DPP10: variants seen among roughly 807,000 people sequenced by gnomAD.
The protein encoded by DPP10 is dipeptidyl peptidase like 10, also known as inactive dipeptidyl peptidase 10.
DPP10 carries 33 observed loss-of-function variants against 120.9 expected under a neutral mutation model. That is an observed-to-expected ratio of 0.27 (90% confidence interval 0.21 to 0.37). DPP10 has a LOEUF of 0.37. Ranked by LOEUF, DPP10 falls within the 10% of genes least tolerant of loss-of-function variation. The pLI is 1.00. For missense variants in DPP10, 816 were observed against 942.8 expected, an observed-to-expected ratio of 0.87 and a Z score of 1.76; for synonymous variants, 337 against 326.1, an observed-to-expected ratio of 1.03 and a Z score of -0.36.
intron 5 of DPP10, among the ~76,000 whole-genome samples, chr2:115,528,340 C>T (rs572508804): frequency 3.3e-5 from 5 of 150,782 alleles, no homozygotes; most frequent in Non-Finnish European, 5.9e-5. Context: ...CACATGTACC[C>T]TAGAACTTAA....
chr2:115,279,774 G>T (rs1176306007), intron 1 of DPP10, among the ~76,000 whole-genome samples: 2 of 131,198 alleles, frequency 1.5e-5, no homozygotes, highest in Non-Finnish European at 3.1e-5. Flanking sequence ...CGATTCTTAT[G>T]TCTCAGCCTC....
intron 1 of DPP10, among the ~76,000 whole-genome samples, chr2:114,544,528 A>T (rs1028818356): frequency 6.6e-6 from 1 of 152,154 alleles, no homozygotes; most frequent in Non-Finnish European, 1.5e-5. Context: ...GAAGAAGGTG[A>T]TATTGTTAAT....
intron 1 of DPP10, among the ~76,000 whole-genome samples, chr2:114,933,642 G>A (rs185416324): frequency 6.6e-6 from 1 of 152,290 alleles, no homozygotes; most frequent in African/African-American, 2.4e-5. Flanking sequence ...AGGCAGAAAA[G>A]CAACAGCAAC....
intron 9 of DPP10, among the ~76,000 whole-genome samples, chr2:115,740,449 T>TA (rs554989158): frequency 2.0e-4 from 31 of 152,136 alleles, no homozygotes; most frequent in Admixed American, 1.2e-3. Context: ...GGACCAAGTA[T>TA]AAAAAAATCA....
intron 7 of DPP10, among the ~76,000 whole-genome samples, chr2:115,718,307 G>A (rs1182255751): frequency 6.6e-6 from 1 of 152,172 alleles, no homozygotes; most frequent in South Asian, 2.1e-4. Flanking sequence ...CTTTACAAAT[G>A]AGAAAACAGA....
intron 17 of DPP10, among the ~76,000 whole-genome samples, chr2:115,787,451 A>C (rs191247777): frequency 2.0e-5 from 3 of 152,346 alleles, no homozygotes; most frequent in Non-Finnish European, 4.4e-5. Context: ...AAAATATTTG[A>C]AATATAAACT....
chr2:115,661,702 C>A (rs1290978404), intron 5 of DPP10, among the ~76,000 whole-genome samples: 1 of 152,146 alleles, frequency 6.6e-6, no homozygotes, highest in Non-Finnish European at 1.5e-5. Context: ...GCTGCCCACA[C>A]CTTTCATTTT....
At chr2:115,064,818 T>A (rs369577007) in intron 1 of DPP10, 1 of 1,304,188 alleles carries the variant, frequency 7.7e-7, no homozygotes. Context: ...AAGTGGATGC[T>A]ACCTAGGTTT....
chr2:115,832,871 G>A (rs1393475589), intron 21 of DPP10, among the ~76,000 whole-genome samples: 1 of 151,958 alleles, frequency 6.6e-6, no homozygotes, highest in Non-Finnish European at 1.5e-5. Context: ...TTTCCGGTAG[G>A]CACCTTTATT....
intron 7 of DPP10, among the ~76,000 whole-genome samples, chr2:115,705,910 C>G (rs2092085936): frequency 6.6e-6 from 1 of 151,664 alleles, no homozygotes; most frequent in Admixed American, 6.6e-5. Flanking sequence ...TACCAAGCAG[C>G]TCATATCATT....
chr2:115,155,054 G>A (rs1250439240), intron 1 of DPP10, among the ~76,000 whole-genome samples: 3 of 151,516 alleles, frequency 2.0e-5, no homozygotes, highest in Non-Finnish European at 4.4e-5. Flanking sequence ...ACCACACCAA[G>A]CTAATTTTAT....
intron 1 of DPP10, among the ~76,000 whole-genome samples, chr2:114,934,753 G>T (rs564757353): frequency 6.6e-6 from 1 of 152,228 alleles, no homozygotes; most frequent in South Asian, 2.1e-4. Context: ...GATCATGGAG[G>T]ACCTTCAGTA....
intron 5 of DPP10, among the ~76,000 whole-genome samples, chr2:115,623,093 C>A (rs2085092754): frequency 6.6e-6 from 1 of 152,106 alleles, no homozygotes; most frequent in African/African-American, 2.4e-5. Context: ...GATCCGCCCG[C>A]CTCGGCCTCC....
At chr2:115,503,726 A>T (rs1575038564) in intron 4 of DPP10, among the ~76,000 whole-genome samples, 1 of 152,262 alleles carries the variant, frequency 6.6e-6, no homozygotes, top group East Asian at 1.9e-4. Context: ...TTGTGTTTTG[A>T]CAGTATTGTT....
At chr2:115,065,158 CAT>C (rs906985050) in intron 1 of DPP10, among the ~76,000 whole-genome samples, 6 of 152,116 alleles carry the variant, frequency 3.9e-5, no homozygotes, top group African/African-American at 1.4e-4. Flanking sequence ...AACTCTGTAA[CAT>C]ATTTATTTTT....
chr2:114,896,187 T>G (rs1416090251), intron 1 of DPP10, among the ~76,000 whole-genome samples: 1 of 152,216 alleles, frequency 6.6e-6, no homozygotes, highest in Non-Finnish European at 1.5e-5. Flanking sequence ...GGCTTTGTTC[T>G]TTTGGCTTAG....
intron 10 of DPP10, chr2:115,750,008 C>T (rs1428062795): frequency 3.0e-6 from 3 of 985,264 alleles, no homozygotes; most frequent in African/African-American, 1.7e-5. Context: ...GGACCAGATC[C>T]TCGAGGACTT....
intron 3 of DPP10, among the ~76,000 whole-genome samples, chr2:115,403,562 G>A (rs2068276785): frequency 1.3e-5 from 2 of 151,850 alleles, no homozygotes; most frequent in South Asian, 4.1e-4. Flanking sequence ...ATAACACCCA[G>A]CTAATTTTTG....
intron 7 of DPP10, among the ~76,000 whole-genome samples, chr2:115,716,961 A>C (rs368704295): frequency 6.6e-6 from 1 of 152,220 alleles, no homozygotes; most frequent in African/African-American, 2.4e-5. Context: ...TTCTTTATGG[A>C]ATCTGTTATA....
Sources: allele counts gnomAD v4.1 joint callset (sites outside exome capture counted in the v4.1 genomes callset), GRCh38; gene constraint gnomAD v4.1.1; transcripts MANE v1.5; gene names NCBI Gene and HGNC (gene_info 2026-07-23, HGNC 2026-07-21).